The following GPC6 variants were observed in gnomAD, a reference collection of about 807,000 sequenced individuals.
The protein encoded by GPC6 is glypican-6.
A neutral mutation model predicts 55.2 loss-of-function variants in GPC6; 14 were observed. The ratio of observed to expected loss-of-function variants is 0.25; its 90% CI spans 0.17 to 0.40. The LOEUF (loss-of-function observed/expected upper bound fraction) is 0.40, where lower values mean the gene tolerates loss of function less well. Among genes scored for constraint, GPC6 ranks in the 10% least tolerant of loss-of-function variants. The pLI, the probability that GPC6 is intolerant of heterozygous loss-of-function variation, is 1.00. For synonymous variants in GPC6, 278 were observed against 259.6 expected, an observed-to-expected ratio of 1.07 and a Z score of -0.68; for missense variants, 641 against 708.5, an observed-to-expected ratio of 0.90 and a Z score of 1.08.
At chr13:94,204,369 T>G (rs1180165859) in intron 4 of GPC6, among the ~76,000 whole-genome samples, 1 of 152,170 alleles carries the variant, frequency 6.6e-6, no homozygotes, top group Admixed American at 6.5e-5. Flanking sequence ...TTTTCCACAT[T>G]TTAGAGCTTT....
chr13:93,251,934 T>C (rs1393746049), intron 1 of GPC6, among the ~76,000 whole-genome samples: 1 of 152,246 alleles, frequency 6.6e-6, no homozygotes, highest in Admixed American at 6.5e-5. Flanking sequence ...GAAATGGCAC[T>C]GAAACATCTC....
chr13:94,268,967 C>T (rs541793130), intron 4 of GPC6, among the ~76,000 whole-genome samples: 26 of 152,268 alleles, frequency 1.7e-4, no homozygotes, highest in Admixed American at 6.5e-4. Context: ...GCCAGGGGCT[C>T]ATGGGCTGGG....
At chr13:93,246,655 G>A (rs527825317) in intron 1 of GPC6, among the ~76,000 whole-genome samples, 11 of 151,710 alleles carry the variant, frequency 7.3e-5, no homozygotes, top group East Asian at 1.9e-4. Context: ...AAAATTAGCC[G>A]GATGTGGTGG....
At chr13:93,823,530 T>A (rs1887128139) in intron 2 of GPC6, among the ~76,000 whole-genome samples, 2 of 152,142 alleles carry the variant, frequency 1.3e-5, no homozygotes, top group African/African-American at 4.8e-5. Flanking sequence ...CCGTTAGAAG[T>A]CAGGCAACAT....
chr13:94,162,493 TG>T (rs1462931730), intron 4 of GPC6, among the ~76,000 whole-genome samples: 1 of 152,180 alleles, frequency 6.6e-6, no homozygotes, highest in Non-Finnish European at 1.5e-5. Context: ...ACTCAGTGGC[TG>T]GGGCTTGAGT....
At chr13:93,863,076 A>G (rs1888862801) in intron 3 of GPC6, among the ~76,000 whole-genome samples, 1 of 151,706 alleles carries the variant, frequency 6.6e-6, no homozygotes, top group Non-Finnish European at 1.5e-5. Flanking sequence ...TCAAGGTGAT[A>G]TGATATGTGC....
intron 4 of GPC6, among the ~76,000 whole-genome samples, chr13:94,178,941 A>G (rs1474034605): frequency 6.6e-6 from 1 of 152,190 alleles, no homozygotes; most frequent in African/African-American, 2.4e-5. Flanking sequence ...AGTAGCAAAC[A>G]CTTGGCTGGA....
intron 4 of GPC6, among the ~76,000 whole-genome samples, chr13:94,215,744 A>G (rs927357264): frequency 2.6e-5 from 4 of 152,150 alleles, no homozygotes; most frequent in African/African-American, 9.6e-5. Context: ...TCTCTTTTTT[A>G]TGGAAAAGCA....
At chr13:93,945,871 T>C (rs759531780) in intron 3 of GPC6, among the ~76,000 whole-genome samples, 1 of 152,176 alleles carries the variant, frequency 6.6e-6, no homozygotes, top group Non-Finnish European at 1.5e-5. Flanking sequence ...TGTTAATGGG[T>C]AGCAACAAGA....
intron 3 of GPC6, among the ~76,000 whole-genome samples, chr13:93,865,103 G>C (rs544335740): frequency 6.6e-6 from 1 of 151,716 alleles, no homozygotes; most frequent in East Asian, 2.0e-4. Flanking sequence ...ACTAAAATCA[G>C]TCAGGGAGAT....
At chr13:93,972,515 T>C (rs948193189) in intron 3 of GPC6, among the ~76,000 whole-genome samples, 8 of 152,170 alleles carry the variant, frequency 5.3e-5, no homozygotes, top group Non-Finnish European at 1.0e-4. Context: ...ACTCCCACCA[T>C]GTAGACTTTT....
At chr13:93,698,804 C>A (rs575533409) in intron 2 of GPC6, among the ~76,000 whole-genome samples, 1 of 152,076 alleles carries the variant, frequency 6.6e-6, no homozygotes, top group African/African-American at 2.4e-5. Flanking sequence ...TTTTCCCTCT[C>A]TCCTCCCCTC....
At chr13:94,373,502 G>A (rs1423996650) in intron 6 of GPC6, among the ~76,000 whole-genome samples, 3 of 152,160 alleles carry the variant, frequency 2.0e-5, no homozygotes, top group Admixed American at 2.0e-4. Flanking sequence ...AGCGAGAACG[G>A]AAGTTTAGAG....
At position 93,674,623 on chromosome 13, in the gene GPC6, G is replaced by A. The variant is rs1472498386; in HGVS notation, c.319+129202G>A. ...TTTCCGACTGTCAGCAGAAATTGGAGACAACACTCTTCCTTTCTGTTTGAT... is the reference window on the plus strand; with the variant it reads ...TTTCCGACTGTCAGCAGAAATTGGAAACAACACTCTTCCTTTCTGTTTGAT... On this transcript the variant is annotated intron_variant, in intron 2 of 8. Coordinates refer to ENST00000377047, the MANE Select transcript of GPC6 (RefSeq NM_005708.5). 2.0e-5 allele frequency among the ~76,000 whole-genome samples: 3 copies of A among 152,130 alleles called. 1 individual carries two copies. The highest frequency in any genetic ancestry group is 4.4e-5 in the Non-Finnish European group (3 of 68,018).
At chr13:94,177,004 G>C (rs1253262116) in intron 4 of GPC6, among the ~76,000 whole-genome samples, 1 of 152,134 alleles carries the variant, frequency 6.6e-6, no homozygotes, top group African/African-American at 2.4e-5. Flanking sequence ...ATTTTTAAAA[G>C]ACAGAAAAAT....
At chr13:93,952,875 C>T (rs1392578305) in intron 3 of GPC6, among the ~76,000 whole-genome samples, 9 of 107,180 alleles carry the variant, frequency 8.4e-5, no homozygotes, top group Non-Finnish European at 8.5e-5. Flanking sequence ...TATATATATA[C>T]ATATATATAT....
intron 2 of GPC6, among the ~76,000 whole-genome samples, chr13:93,814,792 C>T (rs1230229793): frequency 6.6e-6 from 1 of 152,158 alleles, no homozygotes; most frequent in Non-Finnish European, 1.5e-5. Context: ...TTCTATCCAT[C>T]AGAGCAAGAT....
At chr13:93,536,922 C>T (rs1024341353) in intron 1 of GPC6, among the ~76,000 whole-genome samples, 1 of 152,096 alleles carries the variant, frequency 6.6e-6, no homozygotes, top group Non-Finnish European at 1.5e-5. Flanking sequence ...GTAAATAACT[C>T]AAGGCAGTAT....
intron 4 of GPC6, among the ~76,000 whole-genome samples, chr13:94,062,276 G>T (rs193073417): frequency 9.4e-4 from 143 of 152,026 alleles, no homozygotes; most frequent in Middle Eastern, 6.8e-3. Flanking sequence ...TTTTGAGACG[G>T]AGTCTTACTC....
Sources: gnomAD v4.1 joint callset for allele counts (sites outside exome capture counted in the v4.1 genomes callset) on GRCh38, gnomAD v4.1.1 for gene constraint, MANE v1.5 for transcripts, NCBI Gene and HGNC (gene_info 2026-07-23, HGNC 2026-07-21) for gene names.